LIMK2: variants seen among roughly 807,000 people sequenced by gnomAD.
LIMK2 encodes the protein LIM domain kinase 2.
A neutral mutation model predicts 75.7 loss-of-function variants in LIMK2; 35 were observed. That is an observed-to-expected ratio of 0.46 (90% CI 0.35 to 0.61). The LOEUF is 0.61. LIMK2 is among the 20% of genes least tolerant of loss of function. The pLI is 0.00. For missense variants in LIMK2, 623 were observed against 831.0 expected (o/e 0.75, Z 3.08); for synonymous variants, 301 against 319.2 (o/e 0.94, Z 0.61).
At chr22:31,245,567 G>T (rs2048660613) in intron 2 of LIMK2, among the ~76,000 whole-genome samples, 1 of 152,146 alleles carries the variant, frequency 6.6e-6, no homozygotes, top group African/African-American at 2.4e-5. Context: ...CTTCCAAAGT[G>T]CTGGGATTAC....
chr22:31,239,794 G>A (rs1002075764), intron 2 of LIMK2, among the ~76,000 whole-genome samples: 2 of 152,188 alleles, frequency 1.3e-5, no homozygotes, highest in African/African-American at 4.8e-5. Flanking sequence ...GGTGCTCAGA[G>A]TGTTTGCTGG....
intron 2 of LIMK2, among the ~76,000 whole-genome samples, chr22:31,238,500 T>G (rs1320161513): frequency 6.6e-6 from 1 of 152,110 alleles, no homozygotes; most frequent in Non-Finnish European, 1.5e-5. Flanking sequence ...AATGGTTAGG[T>G]CAGAACCATC....
chr22:31,236,470 A>C (rs959819020), intron 2 of LIMK2, among the ~76,000 whole-genome samples: 3 of 151,596 alleles, frequency 2.0e-5, no homozygotes, highest in African/African-American at 7.3e-5. Flanking sequence ...TTAGCCAGGC[A>C]TGGTGGCTCA....
rs139742723 is a variant in LIMK2 at position 31,274,640 on chromosome 22, A to G, written c.1615-511A>G. The stretch of plus-strand genomic sequence containing the variant: ...GGTCTCAAATGCCTGACCTCAGGTG[A>G]TCCACCCGCTTCAGCCTCCCAAAGT... On this transcript the variant is annotated intron_variant, in intron 14 of 15. Coordinates refer to ENST00000331728, the MANE Select transcript of LIMK2 (RefSeq NM_005569.4). Among the ~76,000 whole-genome samples, 243 of 152,312 alleles carry G rather than the reference A, an allele frequency of 1.6e-3. 1 individual carries two copies. The highest frequency in any genetic ancestry group is 4.6e-3 in the South Asian group (22 of 4,822).
At chr22:31,258,504 TA>T (rs770411758) in intron 3 of LIMK2, 78 bp downstream of exon 3, 1 of 1,476,886 alleles carries the variant, frequency 6.8e-7, no homozygotes, top group Non-Finnish European at 9.3e-7. Context: ...TGTGGCCTGT[TA>T]ATCTTTTAGT....
At position 31,240,427 on chromosome 22, in the gene LIMK2, C is replaced by CTT. The variant is rs58947836; in HGVS notation, c.116+14622_116+14623dup. Among the ~76,000 whole-genome samples, 171 of 140,580 alleles carry CTT rather than the reference C, an allele frequency of 1.2e-3. 4 individuals carry two copies. In the East Asian group the frequency reaches 0.026, roughly 21 times the overall value. 92.2% of individuals were successfully genotyped at this position (140,580 alleles called of 152,430 possible). Reference sequence around the variant, plus strand: ...GGAATGACGCTATCTTCTAGAATCACTTTTTTTTTTTTTTTGAGTTGGAGT... The same window carrying CTT: ...GGAATGACGCTATCTTCTAGAATCACTTTTTTTTTTTTTTTTTGAGTTGGAGT... On this transcript the variant is annotated intron_variant, in intron 2 of 15. Coordinates refer to ENST00000331728, the MANE Select transcript of LIMK2 (RefSeq NM_005569.4).
chr22:31,259,771 A>C, intron 4 of LIMK2, 118 bp from the exon 5 acceptor site: 3 of 819,290 alleles, frequency 3.7e-6, no homozygotes, highest in Non-Finnish European at 3.5e-6. Flanking sequence ...GAATCATGAC[A>C]AAGAGGGTGG....
At chr22:31,274,001 GT>G (rs57281983) in intron 14 of LIMK2, among the ~76,000 whole-genome samples, 6,568 of 139,502 alleles carry the variant, frequency 0.047, 439 homozygotes, top group East Asian at 0.35. Flanking sequence ...GCCCGGCCAG[GT>G]TTTTTTTTTT....
chr22:31,261,478 G>A (rs1298720992), intron 5 of LIMK2, among the ~76,000 whole-genome samples: 5 of 151,004 alleles, frequency 3.3e-5, no homozygotes, highest in African/African-American at 7.3e-5. Flanking sequence ...CCTAGGAGGC[G>A]GAGCTTGCTG....
chr22:31,247,189 T>C (rs1206129254), intron 2 of LIMK2, among the ~76,000 whole-genome samples: 1 of 151,984 alleles, frequency 6.6e-6, no homozygotes, highest in Non-Finnish European at 1.5e-5. Context: ...CTGATGTCAC[T>C]GCCCCAAATC....
At chr22:31,243,804 G>T (rs1463099521) in intron 2 of LIMK2, among the ~76,000 whole-genome samples, 1 of 152,158 alleles carries the variant, frequency 6.6e-6, no homozygotes, top group Non-Finnish European at 1.5e-5. Context: ...AGGGTGGGAG[G>T]GTGAAATATA....
At chr22:31,212,908 G>A (rs1483465154) in intron 1 of LIMK2, among the ~76,000 whole-genome samples, 1 of 152,126 alleles carries the variant, frequency 6.6e-6, no homozygotes, top group Non-Finnish European at 1.5e-5. Flanking sequence ...GGAAATGGAG[G>A]ATGTGACTTC....
rs1179743132 is a variant in LIMK2, at chr22:31,262,386, C to T, written c.657+147C>T. On this transcript the variant is annotated intron_variant, in intron 6 of 15. Transcript: ENST00000331728. The surrounding 1 kb of genome is among the most constrained non-coding windows in gnomAD (Gnocchi z 5.0). ...TGTGACCACTGGTGACCTATTTCAG[C>T]GTAACAGGTTCCCAGGGTAGCAGGG... 9.9e-6 allele frequency: 8 copies of T among 808,176 alleles called. No individual in the cohort carries two copies. The highest frequency in any genetic ancestry group is 2.3e-5 in the Admixed American group (1 of 42,882). The allele number at this position is 808,176 out of a possible 1,614,324, so 50.1% of individuals were successfully genotyped here.
chr22:31,213,956 CAG>C (rs2048369622), intron 1 of LIMK2, among the ~76,000 whole-genome samples: 1 of 152,000 alleles, frequency 6.6e-6, no homozygotes, highest in Non-Finnish European at 1.5e-5. Context: ...GCTGGGACAA[CAG>C]GGGCCCGCCA....
chr22:31,223,176 G>C (rs974827379), intron 1 of LIMK2, among the ~76,000 whole-genome samples: 1 of 152,186 alleles, frequency 6.6e-6, no homozygotes, highest in Non-Finnish European at 1.5e-5. Context: ...GTGAAACCAG[G>C]TGGATATGAG....
In LIMK2 at chr22:31,266,011, G is replaced by T; in HGVS notation, c.920G>T (p.Arg307Leu). ...CCAAAGGAGCCCCTGCTGTTCAGCC[G>T]TGACATCAGCCGCTCAGAATCCCTT... Reference protein sequence around the residue: ...SSPKEPLLFSRDISRSESLRC... With the variant: ...SSPKEPLLFSLDISRSESLRC... Residue 307 changes from arginine (R) to leucine (L), a missense_variant, in exon 8 of 16, where the codon CGT (arginine) becomes CTT (leucine). Coordinates refer to ENST00000331728, the MANE Select transcript of LIMK2 (RefSeq NM_005569.4). 6.2e-7 allele frequency: 1 copy of T among 1,614,076 alleles called. No individual in the cohort carries two copies. Among genetic ancestry groups the T allele is most frequent in the Non-Finnish European group, 8.5e-7 (1 of 1,179,998 alleles).
At chr22:31,258,225 A>G in intron 2 of LIMK2, 66 bp from the exon 3 acceptor site, 2 of 1,506,136 alleles carry the variant, frequency 1.3e-6, no homozygotes, top group East Asian at 2.3e-5. Context: ...CCTAGGAACC[A>G]GGGACAGCTT....
chr22:31,267,963 G>A, intron 10 of LIMK2, 56 bp downstream of exon 10: 1 of 1,574,128 alleles, frequency 6.4e-7, no homozygotes. Flanking sequence ...AGACACCTAT[G>A]CTATCACTAC....
At chr22:31,250,864 A>C (rs965830865) in intron 2 of LIMK2, among the ~76,000 whole-genome samples, 2 of 152,206 alleles carry the variant, frequency 1.3e-5, no homozygotes, top group Admixed American at 6.5e-5. Context: ...ATTCTGTGAA[A>C]CAAATTAAGT....
Sources: allele counts gnomAD v4.1 joint callset (sites outside exome capture counted in the v4.1 genomes callset), GRCh38; gene constraint gnomAD v4.1.1; non-coding constraint Gnocchi (gnomAD v3.1); transcripts MANE v1.5; gene names NCBI Gene and HGNC (gene_info 2026-07-23, HGNC 2026-07-21).